Variants in LMTK2 observed in about 807,000 individuals in gnomAD.
LMTK2 encodes lemur tail kinase 2.
Under a neutral mutation model 127.5 loss-of-function variants are expected in LMTK2, and 37 were observed. That is an observed-to-expected ratio of 0.29 (90% CI 0.22 to 0.38). The LOEUF is 0.38. Ranked by LOEUF, LMTK2 falls within the 10% of genes least tolerant of loss-of-function variation. The pLI is 1.00. For missense variants in LMTK2, 1,694 were observed against 1,920.3 expected, an observed-to-expected ratio of 0.88 and a Z score of 2.20; for synonymous variants, 819 against 810.1, an observed-to-expected ratio of 1.01 and a Z score of -0.19.
At chr7:98,184,324 C>G (rs1413078622) in intron 7 of LMTK2, among the ~76,000 whole-genome samples, 1 of 152,114 alleles carries the variant, frequency 6.6e-6, no homozygotes, top group Non-Finnish European at 1.5e-5. Flanking sequence ...TGTTTTCTGT[C>G]TGTTAGGAGA....
intron 4 of LMTK2, among the ~76,000 whole-genome samples, chr7:98,153,808 G>A (rs962056114): frequency 7.9e-5 from 12 of 152,182 alleles, no homozygotes; most frequent in African/African-American, 2.9e-4. Flanking sequence ...CGAGGCTGCA[G>A]TGAGCCATAT....
chr7:98,172,152 C>T (rs1402880874), intron 7 of LMTK2, among the ~76,000 whole-genome samples: 1 of 152,144 alleles, frequency 6.6e-6, no homozygotes, highest in African/African-American at 2.4e-5. Flanking sequence ...GCTTCAGGTG[C>T]CCATTTGGAA....
chr7:98,191,652 A>G lies in LMTK2; in HGVS notation c.1187A>G (p.Lys396Arg). 6.2e-7 allele frequency: 1 copy of G among 1,612,700 alleles called. No individual in the cohort carries two copies. The highest frequency in any genetic ancestry group is 8.5e-7 in the Non-Finnish European group (1 of 1,179,232). ...CAGTTCTGTTGGCTGTCACCAGAAA[A>G]GAGACCCGCGGCTGAAGATGTGCAC... Reference protein sequence around the residue: ...VLQFCWLSPEKRPAAEDVHRL... With the variant: ...VLQFCWLSPERRPAAEDVHRL... The change falls in exon 11 of 14, where the codon AAG becomes AGG. Residue 396 changes from lysine (K) to arginine (R), a missense_variant. Lys to Arg is a conservative substitution (Grantham distance 26). This residue lies in a region of LMTK2 where 216 missense variants were observed against 266.8 expected (regional missense o/e 0.81). Coordinates refer to ENST00000297293, the MANE Select transcript of LMTK2 (RefSeq NM_014916.4).
chr7:98,170,646 C>T (rs916234226), intron 6 of LMTK2, among the ~76,000 whole-genome samples: 2 of 151,036 alleles, frequency 1.3e-5, no homozygotes, highest in African/African-American at 2.4e-5. Flanking sequence ...TTAACTGATT[C>T]GAGGAAACTT....
At chr7:98,138,554 C>T (rs1584256702) in intron 2 of LMTK2, among the ~76,000 whole-genome samples, 1 of 152,304 alleles carries the variant, frequency 6.6e-6, no homozygotes. Flanking sequence ...CTCACAACAT[C>T]AGTCCCTAGG....
Position 98,204,179 on chromosome 7 carries a change from G to A in LMTK2, c.4476G>A (p.Glu1492=), listed in dbSNP as rs999721300. ...CACACCTGACCGACTCGGACATCGA[G>A]CAGGGCGGTGAGAGGCGCTGCGTGC... is the stretch of plus-strand genomic sequence containing the variant. ...SLTHLTDSDI[E]QGGSSEDGEK... Residue 1492 remains glutamate, a synonymous_variant, in exon 13 of 14, where the codon GAG becomes GAA. Transcript: ENST00000297293. 3 of 1,606,012 alleles carry A rather than the reference G, an allele frequency of 1.9e-6. No individual in the cohort carries two copies. Among genetic ancestry groups the A allele is most frequent in the Admixed American group, 3.3e-5 (2 of 60,000 alleles).
At chr7:98,113,443 T>G (rs1796233220) in intron 1 of LMTK2, among the ~76,000 whole-genome samples, 1 of 152,144 alleles carries the variant, frequency 6.6e-6, no homozygotes, top group South Asian at 2.1e-4. Flanking sequence ...AATGGACTAA[T>G]ACAGCTGGCG....
chr7:98,131,306 T>G (rs1368365531), intron 1 of LMTK2, among the ~76,000 whole-genome samples: 1 of 152,264 alleles, frequency 6.6e-6, no homozygotes, highest in Non-Finnish European at 1.5e-5. Flanking sequence ...ATGATTCAAA[T>G]AACATCCATA....
rs74759794 is a variant in LMTK2, at chr7:98,132,495, G to A, written c.104-4820G>A. Among the ~76,000 whole-genome samples, 12 of 152,102 alleles carry A rather than the reference G, an allele frequency of 7.9e-5. No individual in the cohort carries two copies. The South Asian group carries it at 1.9e-3, about 24-fold the overall frequency. ...CAATCTCCTGACCTTGCGGTCCCCC[G>A]ACCTTGGCCTCCCAAAGTGCTGAGA... On this transcript the variant is annotated intron_variant, in intron 1 of 13. Coordinates refer to ENST00000297293, the MANE Select transcript of LMTK2 (RefSeq NM_014916.4).
At chr7:98,178,408 C>T (rs934122883) in intron 7 of LMTK2, among the ~76,000 whole-genome samples, 4 of 152,170 alleles carry the variant, frequency 2.6e-5, no homozygotes, top group Non-Finnish European at 5.9e-5. Flanking sequence ...CCCTTCAGAA[C>T]CGCGAGCTCC....
chr7:98,148,510 AT>A (rs1414930492), intron 3 of LMTK2, among the ~76,000 whole-genome samples: 2 of 149,256 alleles, frequency 1.3e-5, no homozygotes, highest in East Asian at 3.9e-4. Context: ...AAAAAAAATA[AT>A]AATAATAATA....
At chr7:98,185,836 A>G (rs1328055140) in intron 8 of LMTK2, among the ~76,000 whole-genome samples, 1 of 151,770 alleles carries the variant, frequency 6.6e-6, no homozygotes. Flanking sequence ...TACTAGGATT[A>G]CAGGTGTGAG....
In LMTK2 at chr7:98,140,134, CTTTCTTTCT is replaced by C. The variant is rs1227445675; in HGVS notation, c.232-1255_232-1247del. Among the ~76,000 whole-genome samples, 19 of 18,148 alleles carry C rather than the reference CTTTCTTTCT, an allele frequency of 1.0e-3. 1 individual carries two copies. Among genetic ancestry groups the C allele is most frequent in the African/African-American group, 3.3e-3 (16 of 4,858 alleles). 11.9% of individuals were successfully genotyped at this position (18,148 alleles called of 152,430 possible). A position where few individuals can be genotyped will look rare whatever the true frequency, so the allele number is the denominator to read the frequency against. On this transcript the variant is annotated intron_variant, in intron 2 of 13. Coordinates refer to ENST00000297293, the MANE Select transcript of LMTK2 (RefSeq NM_014916.4). ...TCTTTCTTTCTTTCTTTCTTTCTTT[CTTTCTTTCT>C]TTTCTTTTCTTTTCTTTTCTTTTCT...
At chr7:98,168,856 A>G (rs892612570) in intron 6 of LMTK2, among the ~76,000 whole-genome samples, 5 of 152,092 alleles carry the variant, frequency 3.3e-5, no homozygotes, top group African/African-American at 1.2e-4. Context: ...GGAAGCTGAG[A>G]AATTTTTAAA....
At chr7:98,173,853 G>A (rs11978098) in intron 7 of LMTK2, among the ~76,000 whole-genome samples, 130 of 152,234 alleles carry the variant, frequency 8.5e-4, no homozygotes, top group African/African-American at 3.1e-3. Context: ...TCAGGAGATC[G>A]AGACTGTCCT....
At chr7:98,201,091 G>GT (rs1030994675) in intron 11 of LMTK2, among the ~76,000 whole-genome samples, 12 of 149,984 alleles carry the variant, frequency 8.0e-5, no homozygotes, top group East Asian at 1.9e-4. Flanking sequence ...AATTCTCTTA[G>GT]TTTTTTTTTC....
chr7:98,153,471 A>C (rs1247451638), intron 4 of LMTK2, among the ~76,000 whole-genome samples: 2 of 152,200 alleles, frequency 1.3e-5, no homozygotes, highest in South Asian at 2.1e-4. Context: ...TCCTTGAAAG[A>C]AGTTGTTCAG....
At chr7:98,180,408 A>G (rs1357230659) in intron 7 of LMTK2, among the ~76,000 whole-genome samples, 1 of 152,160 alleles carries the variant, frequency 6.6e-6, no homozygotes, top group East Asian at 1.9e-4. Context: ...TGGCTTTTTT[A>G]TTCGTATACC....
chr7:98,174,726 C>T (rs903416197), intron 7 of LMTK2, among the ~76,000 whole-genome samples: 2 of 152,132 alleles, frequency 1.3e-5, no homozygotes, highest in Non-Finnish European at 2.9e-5. Context: ...CAGGTTGTAG[C>T]ATTACAGTTA....
Sources: allele counts gnomAD v4.1 joint callset (sites outside exome capture counted in the v4.1 genomes callset), GRCh38; gene constraint gnomAD v4.1.1; regional missense constraint gnomAD v4.1.1; transcripts MANE v1.5; gene names NCBI Gene and HGNC (gene_info 2026-07-23, HGNC 2026-07-21).